Variants in WDR72 observed in about 807,000 individuals in gnomAD.
WDR72 encodes WD repeat domain 72.
Under a neutral mutation model 124.2 loss-of-function variants are expected in WDR72, and 120 were observed. The ratio of observed to expected loss-of-function variants is 0.97; its 90% CI spans 0.83 to 1.12. The LOEUF (loss-of-function observed/expected upper bound fraction) is 1.12. WDR72 is among the 50% of genes most tolerant of loss of function. WDR72 has a pLI of 0.00. For missense variants in WDR72, 1,387 were observed against 1,278.8 expected (o/e 1.08, Z -1.29); for synonymous variants, 452 against 441.7 (o/e 1.02, Z -0.29).
chr15:53,625,304 GA>G (rs1394462384), intron 14 of WDR72, among the ~76,000 whole-genome samples: 49 of 152,320 alleles, frequency 3.2e-4, no homozygotes, highest in Middle Eastern at 3.4e-3. Context: ...CTGATTGCCT[GA>G]CAGATAATTC....
chr15:53,593,205 G>T (rs2012594363), intron 18 of WDR72, among the ~76,000 whole-genome samples: 1 of 151,994 alleles, frequency 6.6e-6, no homozygotes, highest in Admixed American at 6.6e-5. Context: ...ATTTCCTTTA[G>T]TAAGAGAAGC....
At chr15:53,613,623 G>GAA in intron 16 of WDR72, 43 bp downstream of exon 16, 5 of 1,283,768 alleles carry the variant, frequency 3.9e-6, no homozygotes, top group South Asian at 1.2e-5. Context: ...TCCTTTCACA[G>GAA]AAAAAAAAAA....
chr15:53,560,002 A>G (rs2140292399), intron 18 of WDR72, among the ~76,000 whole-genome samples: 1 of 152,132 alleles, frequency 6.6e-6, no homozygotes, highest in African/African-American at 2.4e-5. Context: ...GTTGAAATGC[A>G]GTCCAGTGTT....
chr15:53,556,070 G>A (rs1200413404), intron 18 of WDR72, among the ~76,000 whole-genome samples: 2 of 152,102 alleles, frequency 1.3e-5, no homozygotes, highest in Non-Finnish European at 2.9e-5. Context: ...GGATGACAAT[G>A]TATTCCATCA....
chr15:53,713,880 C>T (rs2017626389), intron 6 of WDR72, among the ~76,000 whole-genome samples: 2 of 152,148 alleles, frequency 1.3e-5, no homozygotes, highest in Non-Finnish European at 2.9e-5. Flanking sequence ...CTCAGCATAC[C>T]ATCACAATTC....
intron 18 of WDR72, among the ~76,000 whole-genome samples, chr15:53,542,509 G>C (rs1402281655): frequency 2.6e-5 from 1 of 38,758 alleles, no homozygotes; most frequent in African/African-American, 1.1e-4. Context: ...AACATGGAAA[G>C]GAACAACCGG....
intron 14 of WDR72, among the ~76,000 whole-genome samples, chr15:53,631,528 C>A (rs1159996332): frequency 1.3e-5 from 2 of 152,060 alleles, no homozygotes; most frequent in Admixed American, 1.3e-4. Flanking sequence ...GGGTAATGGG[C>A]AGAGGTTGAA....
chr15:53,746,277 G>A (rs188748650), intron 1 of WDR72, among the ~76,000 whole-genome samples: 1 of 152,220 alleles, frequency 6.6e-6, no homozygotes, highest in East Asian at 1.9e-4. Flanking sequence ...TGGTTTTGTG[G>A]GTGGTGTCTA....
At chr15:53,693,175 G>A (rs940015305) in intron 13 of WDR72, among the ~76,000 whole-genome samples, 1 of 152,166 alleles carries the variant, frequency 6.6e-6, no homozygotes, top group African/African-American at 2.4e-5. Context: ...TTCTGAGAAT[G>A]GTATAGTTGG....
chr15:53,527,876 CA>C (rs780922397), intron 18 of WDR72, among the ~76,000 whole-genome samples: 60 of 152,018 alleles, frequency 3.9e-4, no homozygotes, highest in Non-Finnish European at 6.5e-4. Context: ...GTTACTAGCT[CA>C]ATATGGTAGC....
intron 14 of WDR72, among the ~76,000 whole-genome samples, chr15:53,619,326 A>G (rs769688925): frequency 4.0e-5 from 6 of 150,794 alleles, no homozygotes; most frequent in Non-Finnish European, 7.4e-5. Flanking sequence ...CCTTTGAGAT[A>G]TATGTGACAG....
chr15:53,741,781 G>C (rs1412988074), intron 1 of WDR72, among the ~76,000 whole-genome samples: 2 of 151,590 alleles, frequency 1.3e-5, no homozygotes, highest in African/African-American at 4.8e-5. Flanking sequence ...TCACGCTGGA[G>C]TGGTGGCACG....
At chr15:53,759,518 C>A (rs1052333738) in intron 1 of WDR72, 115 bp downstream of exon 1, 2 of 152,418 alleles carry the variant, frequency 1.3e-5, no homozygotes, top group Non-Finnish European at 2.9e-5. Flanking sequence ...GCCGTCCCCT[C>A]CTGCGCCGTG....
At chr15:53,549,709 C>G (rs928859746) in intron 18 of WDR72, among the ~76,000 whole-genome samples, 4 of 152,022 alleles carry the variant, frequency 2.6e-5, no homozygotes, top group Admixed American at 2.6e-4. Flanking sequence ...CCTAAGGTCA[C>G]GTAGGCTTTG....
intron 13 of WDR72, among the ~76,000 whole-genome samples, chr15:53,677,205 C>A (rs1460467882): frequency 6.6e-6 from 1 of 152,116 alleles, no homozygotes; most frequent in African/African-American, 2.4e-5. Flanking sequence ...CAGACGTGAG[C>A]CACCGTGCCC....
chr15:53,684,901 C>A (rs1016649310), intron 13 of WDR72, among the ~76,000 whole-genome samples: 2 of 152,316 alleles, frequency 1.3e-5, no homozygotes, highest in East Asian at 1.9e-4. Flanking sequence ...GGGTGCCTGA[C>A]CCCTGACCCC....
At chr15:53,650,750 A>G (rs1360274486) in intron 14 of WDR72, among the ~76,000 whole-genome samples, 3 of 152,260 alleles carry the variant, frequency 2.0e-5, no homozygotes, top group Middle Eastern at 6.8e-3. Context: ...ACTAGAGCAC[A>G]TATGTCACAC....
chr15:53,682,755 C>A (rs2016441121), intron 13 of WDR72, among the ~76,000 whole-genome samples: 1 of 152,142 alleles, frequency 6.6e-6, no homozygotes, highest in African/African-American at 2.4e-5. Context: ...CTTCTGAGCC[C>A]TGTAAACAGT....
intron 17 of WDR72, among the ~76,000 whole-genome samples, chr15:53,606,074 T>C (rs1347425837): frequency 6.6e-6 from 1 of 152,126 alleles, no homozygotes; most frequent in Non-Finnish European, 1.5e-5. Flanking sequence ...AATTCTCTGG[T>C]AGTCTTTGTC....
Sources: allele counts gnomAD v4.1 joint callset (sites outside exome capture counted in the v4.1 genomes callset), GRCh38; gene constraint gnomAD v4.1.1; transcripts MANE v1.5; gene names NCBI Gene and HGNC (gene_info 2026-07-23, HGNC 2026-07-21).